The following PDE8A variants were observed in gnomAD, a reference collection of about 807,000 sequenced individuals.
The protein encoded by PDE8A is phosphodiesterase 8A.
Under a neutral mutation model 105.0 loss-of-function variants are expected in PDE8A, and 59 were observed. The ratio of observed to expected loss-of-function variants is 0.56; its 90% CI spans 0.46 to 0.70. The LOEUF (loss-of-function observed/expected upper bound fraction) is 0.70, where lower values mean the gene tolerates loss of function less well. Ranked by LOEUF, PDE8A falls within the 30% of genes least tolerant of loss-of-function variation. PDE8A has a pLI of 0.00. For missense variants in PDE8A, 1,014 were observed against 1,045.9 expected (o/e 0.97, Z 0.42); for synonymous variants, 355 against 371.9 (o/e 0.95, Z 0.52).
chr15:85,075,899 A>G lies in PDE8A; in HGVS notation c.472A>G (p.Ile158Val), dbSNP rs751444320. 4 of 1,572,808 alleles carry G rather than the reference A, an allele frequency of 2.5e-6. No homozygotes were observed. The highest frequency in any genetic ancestry group is 1.1e-5 in the South Asian group (1 of 88,030). Reference sequence around the variant, plus strand: ...ATCAAAACTCTCAGAAAACACAGTTATTGTTGGTGTAGTACGCAGGTAAAC... The same window carrying G: ...ATCAAAACTCTCAGAAAACACAGTTGTTGTTGGTGTAGTACGCAGGTAAAC... ...RSSKLSENTVIVGVVRRVDRE... is the reference protein window; with the variant it reads ...RSSKLSENTVVVGVVRRVDRE... Residue 158 changes from isoleucine to valine, a missense_variant, in exon 4 of 22, where the codon ATT becomes GTT. Transcript: ENST00000394553.
intron 1 of PDE8A, among the ~76,000 whole-genome samples, chr15:85,013,480 T>G (rs1455038877): frequency 6.6e-6 from 1 of 152,242 alleles, no homozygotes; most frequent in Non-Finnish European, 1.5e-5. Flanking sequence ...TTATTAGCTC[T>G]TTCTTCCTCT....
chr15:85,102,708 G>A (rs1042846734), intron 11 of PDE8A, among the ~76,000 whole-genome samples: 5 of 151,556 alleles, frequency 3.3e-5, no homozygotes, highest in Admixed American at 6.6e-5. Flanking sequence ...GCGTCGTGGC[G>A]CATGCCTGTC....
At chr15:85,091,291 C>T in intron 8 of PDE8A, 110 bp downstream of exon 8, 1 of 982,160 alleles carries the variant, frequency 1.0e-6, no homozygotes, top group Non-Finnish European at 1.5e-6. Flanking sequence ...CCCAGCAGCC[C>T]AGGGAAGTAT....
At chr15:84,993,233 G>A (rs991710904) in intron 1 of PDE8A, among the ~76,000 whole-genome samples, 4 of 151,522 alleles carry the variant, frequency 2.6e-5, no homozygotes, top group Non-Finnish European at 5.9e-5. Flanking sequence ...CACAAGGTCA[G>A]GAGATCAAGA....
intron 3 of PDE8A, among the ~76,000 whole-genome samples, chr15:85,071,075 G>A (rs1465768726): frequency 2.0e-5 from 3 of 152,184 alleles, no homozygotes; most frequent in Non-Finnish European, 4.4e-5. Context: ...AAGATGATAG[G>A]TCAGAAGCTG....
chr15:85,014,540 A>G (rs577260623), intron 1 of PDE8A, among the ~76,000 whole-genome samples: 105 of 152,326 alleles, frequency 6.9e-4, no homozygotes, highest in African/African-American at 2.0e-3. Context: ...ATATCCTCCA[A>G]AGGGGACCTG....
chr15:85,109,092 C>T lies in PDE8A; in HGVS notation c.1076C>T (p.Ser359Leu), dbSNP rs760666003. The change falls in exon 12 of 22, where the codon TCA becomes TTA. Residue 359 changes from serine to leucine, a missense_variant. Coordinates refer to ENST00000394553, the MANE Select transcript of PDE8A (RefSeq NM_002605.3). Reference sequence around the variant, plus strand: ...AAACATAAAGACAGGAGAAAAGGCTCACTAGACGTCAAAGCTGTTGCCTCC... The same window carrying T: ...AAACATAAAGACAGGAGAAAAGGCTTACTAGACGTCAAAGCTGTTGCCTCC... ...TGKHKDRRKG[S>L]LDVKAVASRA... is the part of the protein sequence containing the mutation. 46 of 1,611,582 alleles carry T rather than the reference C, an allele frequency of 2.9e-5. No homozygotes were observed. In the South Asian group the frequency reaches 4.8e-4, roughly 17 times the overall value.
At chr15:85,122,978 C>G (rs958027345) in intron 18 of PDE8A, 83 bp from the exon 19 acceptor site, 2 of 1,411,514 alleles carry the variant, frequency 1.4e-6, no homozygotes, top group African/African-American at 2.8e-5. Flanking sequence ...GGACACATAC[C>G]TGGATAACAG....
chr15:85,120,770 A>T (rs1222546898), intron 17 of PDE8A, 27 bp from the exon 18 acceptor site: 2 of 1,489,654 alleles, frequency 1.3e-6, no homozygotes, highest in Non-Finnish European at 1.8e-6. Flanking sequence ...GTCATACCCC[A>T]GTTTTTAAAA....
intron 17 of PDE8A, among the ~76,000 whole-genome samples, chr15:85,118,280 G>T (rs889321957): frequency 1.3e-5 from 2 of 152,020 alleles, no homozygotes; most frequent in African/African-American, 4.8e-5. Context: ...CTAATCCAGG[G>T]TTCCATTATC....
rs1350074928 is a variant in PDE8A, at chr15:85,116,138, C to T, written c.1535+19C>T. On this transcript the variant is annotated intron_variant, in intron 16 of 21. Transcript: ENST00000394553. ...ACAATAGGTGAGTTCATGCAGAGCT[C>T]AGCAGCGGGAGAACTAGATTCCCAG... 3 of 1,613,168 alleles carry T rather than the reference C, an allele frequency of 1.9e-6. No homozygotes were observed. The highest frequency in any genetic ancestry group is 1.7e-6 in the Non-Finnish European group (2 of 1,179,324).
intron 11 of PDE8A, among the ~76,000 whole-genome samples, chr15:85,101,145 C>T (rs2081855956): frequency 6.6e-6 from 1 of 152,068 alleles, no homozygotes; most frequent in Non-Finnish European, 1.5e-5. Flanking sequence ...AGTAATCTGC[C>T]CAAGGATCTC....
chr15:85,008,362 ACT>A (rs1256574186), intron 1 of PDE8A, among the ~76,000 whole-genome samples: 2 of 151,638 alleles, frequency 1.3e-5, no homozygotes, highest in African/African-American at 2.4e-5. Context: ...TACCCGTAAT[ACT>A]CTGTCAGACC....
At chr15:84,985,900 C>G (rs978614383) in intron 1 of PDE8A, among the ~76,000 whole-genome samples, 1 of 151,930 alleles carries the variant, frequency 6.6e-6, no homozygotes, top group Non-Finnish European at 1.5e-5. Context: ...ATATTTCTAC[C>G]CTGTTGAGCA....
At chr15:85,137,642 C>T (rs1250821896) in intron 21 of PDE8A, among the ~76,000 whole-genome samples, 155 bp from the exon 22 acceptor site, 3 of 152,196 alleles carry the variant, frequency 2.0e-5, no homozygotes, top group Admixed American at 1.3e-4. Context: ...CAGTCAGCCA[C>T]GGCTCGTTGA....
rs771332948 is a variant in PDE8A, at chr15:85,109,145, CAA to C, written c.1114+16_1114+17del. Reference sequence around the variant, plus strand: ...TGCAACTGAAGGTGAGTGACAAAGACAAGAGAAAAAAATGTGATCAAATCACT... The same window carrying C: ...TGCAACTGAAGGTGAGTGACAAAGACGAGAAAAAAATGTGATCAAATCACT... On this transcript the variant is annotated intron_variant, in intron 12 of 21. Transcript: ENST00000394553. 22 of 1,581,274 alleles carry C rather than the reference CAA, an allele frequency of 1.4e-5. No individual in the cohort carries two copies. Among genetic ancestry groups the C allele is most frequent in the East Asian group, 2.2e-5 (1 of 44,684 alleles).
At chr15:85,042,828 C>T (rs796159616) in intron 1 of PDE8A, among the ~76,000 whole-genome samples, 4 of 152,316 alleles carry the variant, frequency 2.6e-5, no homozygotes, top group African/African-American at 7.2e-5. Flanking sequence ...CCAAGTGAAG[C>T]TTAGCAAAGT....
chr15:85,093,155 G>A (rs1008106355), intron 8 of PDE8A, among the ~76,000 whole-genome samples: 1 of 152,062 alleles, frequency 6.6e-6, no homozygotes, highest in Admixed American at 6.6e-5. Context: ...TCCGATAATC[G>A]GCCACCCAAA....
rs767575856 is a variant in PDE8A at position 84,982,126 on chromosome 15, G to C, written c.-37G>C. 11 of 1,263,124 alleles carry C rather than the reference G, an allele frequency of 8.7e-6. No individual in the cohort carries two copies. The highest frequency in any genetic ancestry group is 4.1e-5 in the Admixed American group (1 of 24,324). 78.2% of individuals were successfully genotyped at this position (1,263,124 alleles called of 1,614,324 possible). A position where few individuals can be genotyped will look rare whatever the true frequency, so the allele number is the denominator to read the frequency against. On this transcript the variant is annotated 5_prime_UTR_variant, in exon 1 of 22. Coordinates refer to ENST00000394553, the MANE Select transcript of PDE8A (RefSeq NM_002605.3). ...GTGGGCCGTTTGCTGACCGGATCGC[G>C]GCTACCCGCCAGCGTGTCCGCGGCG... is the stretch of plus-strand genomic sequence containing the variant.
Sources: gnomAD v4.1 joint callset for allele counts (sites outside exome capture counted in the v4.1 genomes callset) on GRCh38, gnomAD v4.1.1 for gene constraint, MANE v1.5 for transcripts, NCBI Gene and HGNC (gene_info 2026-07-23, HGNC 2026-07-21) for gene names.